SFXN3: variants seen among roughly 807,000 people sequenced by gnomAD.
SFXN3 encodes sideroflexin 3.
A neutral mutation model predicts 40.4 loss-of-function variants in SFXN3; 31 were observed. The ratio of observed to expected loss-of-function variants is 0.77; its 90% CI spans 0.58 to 1.04. SFXN3 has a LOEUF of 1.04. Ranked by LOEUF, SFXN3 falls within the 50% of genes least tolerant of loss-of-function variation. The pLI is 0.00. For synonymous variants in SFXN3, 157 were observed against 160.0 expected (o/e 0.98, Z 0.14); for missense variants, 366 against 408.2 (o/e 0.90, Z 0.89).
intron 2 of SFXN3, among the ~76,000 whole-genome samples, chr10:101,034,419 T>TGGCTGGGGCAAAGC (rs1432062713): frequency 6.6e-6 from 1 of 152,208 alleles, no homozygotes; most frequent in Admixed American, 6.5e-5. Context: ...TGGGGCAAAG[T>TGGCTGGGGCAAAGC]GGCTGGGGCA....
rs372399931 is a variant in SFXN3 at position 101,037,065 on chromosome 10, C to G, written c.594-11C>G. The G allele has an allele frequency of 1.8e-5, 29 of 1,613,268 alleles. No homozygotes were observed. The highest frequency in any genetic ancestry group is 1.8e-5 in the Non-Finnish European group (21 of 1,179,970). On this transcript the variant is annotated splice_polypyrimidine_tract_variant and intron_variant, in intron 7 of 11. Transcript: ENST00000393459. ...GGCCTGTGATCTGACCCCAACCCCCCTCCCTTGCAGAGAGCTGCAGGTGGG... is the reference window on the plus strand; with the variant it reads ...GGCCTGTGATCTGACCCCAACCCCCGTCCCTTGCAGAGAGCTGCAGGTGGG...
intron 9 of SFXN3, chr10:101,037,846 A>C: frequency 9.3e-7 from 1 of 1,075,806 alleles, no homozygotes; most frequent in East Asian, 7.3e-5. Context: ...TCACAGAATC[A>C]TTTATTCACA....
intron 9 of SFXN3, chr10:101,037,808 C>T: frequency 8.9e-7 from 1 of 1,127,548 alleles, no homozygotes; most frequent in Admixed American, 4.4e-5. Context: ...GACACGAAAG[C>T]AAAGCACAGG....
rs763389584 is a variant in SFXN3, at chr10:101,037,433, T to C, written c.771+2T>C. 11 of 1,614,050 alleles carry C rather than the reference T, an allele frequency of 6.8e-6. No homozygotes were observed. Among genetic ancestry groups the C allele is most frequent in the Non-Finnish European group, 8.5e-6 (10 of 1,180,036 alleles). On this transcript the variant is annotated splice_donor_variant, in intron 9 of 11. Transcript: ENST00000393459. LOFTEE classifies it high-confidence loss of function. ...CTGGAGAAGAAAGACTTCCTGAAGG[T>C]AGGCGACTGTACCTCTCTTGTCCTG...
Position 101,039,383 on chromosome 10 carries a change from A to T in SFXN3, c.870-106A>T. On this transcript the variant is annotated intron_variant, in intron 11 of 11. Coordinates refer to ENST00000393459, the Ensembl canonical transcript of SFXN3. The surrounding 1 kb of genome is among the most constrained non-coding windows in gnomAD (Gnocchi z 4.6). ...ACAGTGAGCCAGTCCTTCTGGCAGTAGAAGGAGAGGATTTTTCAGCCTGGG... is the reference window on the plus strand; with the variant it reads ...ACAGTGAGCCAGTCCTTCTGGCAGTTGAAGGAGAGGATTTTTCAGCCTGGG... 8.0e-7 allele frequency: 1 copy of T among 1,247,518 alleles called. No individual in the cohort carries two copies. Among genetic ancestry groups the T allele is most frequent in the Non-Finnish European group, 1.2e-6 (1 of 850,842 alleles). 77.3% of individuals were successfully genotyped at this position (1,247,518 alleles called of 1,614,324 possible).
At chr10:101,032,642 G>A (rs1048730075) in intron 2 of SFXN3, among the ~76,000 whole-genome samples, 160 bp downstream of exon 2, 7 of 152,186 alleles carry the variant, frequency 4.6e-5, no homozygotes, top group Admixed American at 4.6e-4. Flanking sequence ...ATGTCAGGGT[G>A]GGGCTGTGTG....
chr10:101,032,697 G>A (rs1394419935), intron 2 of SFXN3, among the ~76,000 whole-genome samples: 1 of 152,192 alleles, frequency 6.6e-6, no homozygotes, highest in Non-Finnish European at 1.5e-5. Flanking sequence ...GTGTGCGCCT[G>A]TAAAGGTGTT....
At chr10:101,034,833 C>T (rs921912432) in exon 3 of SFXN3, 30 of 1,614,002 alleles carry the variant, frequency 1.9e-5, no homozygotes, top group South Asian at 8.8e-5. Context: ...GGAAGCTTCT[C>T]GGAACATCGT....
chr10:101,036,387 T>G lies in SFXN3; in HGVS notation c.432-99T>G. 1 of 1,166,544 alleles carries G rather than the reference T, an allele frequency of 8.6e-7. No homozygotes were observed. Among genetic ancestry groups the G allele is most frequent in the Non-Finnish European group, 1.3e-6 (1 of 793,786 alleles). The allele number at this position is 1,166,544 out of a possible 1,614,324, so 72.3% of individuals were successfully genotyped here. A position where few individuals can be genotyped will look rare whatever the true frequency, so the allele number is the denominator to read the frequency against. On this transcript the variant is annotated intron_variant, in intron 5 of 11. Coordinates refer to ENST00000393459, the Ensembl canonical transcript of SFXN3. The surrounding 1 kb of genome is among the most constrained non-coding windows in gnomAD (Gnocchi z 4.2). ...GCTTCTTCTGCAAGGAGCTTCCCCT[T>G]TTATGCCTCATGTATTGAGGACTTG... is the stretch of plus-strand genomic sequence containing the variant.
chr10:101,032,329 G>C, exon 2 of SFXN3: 1 of 948,304 alleles, frequency 1.1e-6, no homozygotes, highest in Admixed American at 3.6e-5. Flanking sequence ...GCCAATCCCC[G>C]TGCCCACCGG....
At chr10:101,037,407 T>A in exon 9 of SFXN3, 1 of 1,613,132 alleles carries the variant, frequency 6.2e-7, no homozygotes, top group Non-Finnish European at 8.5e-7. Flanking sequence ...TCATGGACAC[T>A]CTGGAGAAGA....
In SFXN3 at chr10:101,036,522, A is replaced by G. The variant is rs987666302; in HGVS notation, c.468A>G (p.Gly156=). 28 of 1,613,922 alleles carry G rather than the reference A, an allele frequency of 1.7e-5. No individual in the cohort carries two copies. Among genetic ancestry groups the G allele is most frequent in the Non-Finnish European group, 2.4e-5 (28 of 1,179,980 alleles). The change falls in exon 6 of 12, where the codon GGA becomes GGG. Residue 156 remains glycine, a synonymous_variant. Coordinates refer to ENST00000393459, the Ensembl canonical transcript of SFXN3. The surrounding 1 kb of genome is among the most constrained non-coding windows in gnomAD (Gnocchi z 4.2). ...CAGCCTATGTGAGTGCCACCACTGG[A>G]GCTGTGGCCACGGCCCTGGGACTCA...
chr10:101,037,588 ATGAACTGGGC>A, intron 9 of SFXN3, 157 bp downstream of exon 9: 1 of 1,533,400 alleles, frequency 6.5e-7, no homozygotes, highest in Non-Finnish European at 8.8e-7. Context: ...TTCAGCAAGA[ATGAACTGGGC>A]TGGGGTGAAG....
Position 101,036,878 on chromosome 10 carries a change from T to A in SFXN3, c.593+70T>A. On this transcript the variant is annotated intron_variant, in intron 7 of 11. Transcript: ENST00000393459. This position sits in a 1 kb window ranked among gnomAD's most constrained non-coding sequence, Gnocchi z 4.2. Reference sequence around the variant, plus strand: ...ACACTGTCCATCCACGCAGACCACCTCAGAATGGGGACATCCCTCTCCCTC... The same window carrying A: ...ACACTGTCCATCCACGCAGACCACCACAGAATGGGGACATCCCTCTCCCTC... 1 of 1,575,792 alleles carries A rather than the reference T, an allele frequency of 6.3e-7. No individual in the cohort carries two copies.
exon 4 of SFXN3, chr10:101,035,575 G>T (rs533198232): frequency 1.2e-6 from 2 of 1,614,094 alleles, no homozygotes; most frequent in Non-Finnish European, 1.7e-6. Context: ...CCTTCCATCC[G>T]GACACAGGGG....
intron 4 of SFXN3, 120 bp downstream of exon 4, chr10:101,035,787 C>A: frequency 7.2e-7 from 1 of 1,382,832 alleles, no homozygotes; most frequent in Admixed American, 2.2e-5. Flanking sequence ...CGCTTCCATT[C>A]CTCAGAATTC....
chr10:101,036,106 G>C lies in SFXN3; in HGVS notation c.431+5G>C. On this transcript the variant is annotated splice_donor_5th_base_variant and intron_variant, in intron 5 of 11. Transcript: ENST00000393459. This position sits in a 1 kb window ranked among gnomAD's most constrained non-coding sequence, Gnocchi z 4.2. ...TGACACTCCCATCACTGTGAGGTGA[G>C]AGCCAGCCCCCAGCAGCAGCTGCAC... The C allele has an allele frequency of 1.2e-6, 2 of 1,611,042 alleles. No individual in the cohort carries two copies. Among genetic ancestry groups the C allele is most frequent in the South Asian group, 1.1e-5 (1 of 90,998 alleles).
chr10:101,032,418 C>T, exon 2 of SFXN3: 1 of 1,496,802 alleles, frequency 6.7e-7, no homozygotes. Context: ...GCTGGGAGGG[C>T]CCGGCGGCGA....
In SFXN3 at chr10:101,037,063, C is replaced by T. The variant is rs556449790; in HGVS notation, c.594-13C>T. 7.4e-6 allele frequency: 12 copies of T among 1,613,418 alleles called. No individual in the cohort carries two copies. The African/African-American group carries it at 9.3e-5, about 13-fold the overall frequency. On this transcript the variant is annotated splice_polypyrimidine_tract_variant and intron_variant, in intron 7 of 11. Transcript: ENST00000393459. ...GGGGCCTGTGATCTGACCCCAACCC[C>T]CCTCCCTTGCAGAGAGCTGCAGGTG...
Sources: gnomAD v4.1 joint callset for allele counts (sites outside exome capture counted in the v4.1 genomes callset) on GRCh38, gnomAD v4.1.1 for gene constraint, Gnocchi (gnomAD v3.1) non-coding constraint, MANE v1.5 for transcripts, NCBI Gene and HGNC (gene_info 2026-07-23, HGNC 2026-07-21) for gene names.